The following ARFGEF2 variants were observed in gnomAD, a reference collection of about 807,000 sequenced individuals.
ARFGEF2 encodes ARF guanine nucleotide exchange factor 2.
ARFGEF2 carries 74 observed loss-of-function variants against 219.9 expected under a neutral mutation model. The ratio of observed to expected loss-of-function variants is 0.34; its 90% CI spans 0.28 to 0.41. The LOEUF is 0.41. ARFGEF2 is among the 10% of genes least tolerant of loss of function. ARFGEF2 has a pLI of 1.00. For synonymous variants in ARFGEF2, 733 were observed against 799.2 expected (o/e 0.92, Z 1.40); for missense variants, 1,743 against 2,218.3 (o/e 0.79, Z 4.30).
intron 37 of ARFGEF2, among the ~76,000 whole-genome samples, chr20:49,030,964 C>T (rs2091630495): frequency 6.6e-6 from 1 of 152,044 alleles, no homozygotes. Context: ...TGCACTCCAG[C>T]CTGGGCAACA....
chr20:48,984,629 A>G (rs912841042), intron 14 of ARFGEF2, 100 bp from the exon 15 acceptor site: 12 of 1,445,734 alleles, frequency 8.3e-6, no homozygotes, highest in South Asian at 2.3e-5. Context: ...ACGTGATGGC[A>G]TGTTCATAGT....
intron 30 of ARFGEF2, 56 bp from the exon 31 acceptor site, chr20:49,016,224 T>C: frequency 6.3e-7 from 1 of 1,598,632 alleles, no homozygotes; most frequent in Non-Finnish European, 8.6e-7. Context: ...TGTACAAGAA[T>C]GCCCATCTCA....
Position 49,000,528 on chromosome 20 carries a change from C to T in ARFGEF2, c.3432+2023C>T, listed in dbSNP as rs150876834. On this transcript the variant is annotated intron_variant, in intron 25 of 38. Coordinates refer to ENST00000371917, the MANE Select transcript of ARFGEF2 (RefSeq NM_006420.3). ...GGTATCACTTTAAATAATCAACTAA[C>T]TCAGCACCATCTTACCCACTATTCT... 6.9e-3 allele frequency among the ~76,000 whole-genome samples: 1,057 copies of T among 152,324 alleles called. 15 individuals are homozygous for T. The highest frequency in any genetic ancestry group is 0.023 in the African/African-American group (968 of 41,572).
intron 14 of ARFGEF2, among the ~76,000 whole-genome samples, chr20:48,980,039 G>T (rs1472536796): frequency 6.6e-6 from 1 of 151,730 alleles, no homozygotes; most frequent in East Asian, 1.9e-4. Flanking sequence ...GAATTTGTTT[G>T]TTCTTGCTTC....
At chr20:48,939,039 A>G (rs1169065574) in intron 1 of ARFGEF2, among the ~76,000 whole-genome samples, 2 of 146,612 alleles carry the variant, frequency 1.4e-5, no homozygotes, top group African/African-American at 5.0e-5. Flanking sequence ...CAGTGGCACC[A>G]TCTCGGCTCA....
chr20:49,004,344 CAAGAA>C (rs1200819722), intron 25 of ARFGEF2, among the ~76,000 whole-genome samples: 1 of 151,624 alleles, frequency 6.6e-6, no homozygotes, highest in African/African-American at 2.4e-5. Flanking sequence ...TTAAAAGAAA[CAAGAA>C]AAGAAAAGAG....
At chr20:49,009,318 T>G (rs1167671225) in intron 26 of ARFGEF2, among the ~76,000 whole-genome samples, 1 of 152,116 alleles carries the variant, frequency 6.6e-6, no homozygotes, top group African/African-American at 2.4e-5. Context: ...AGTGTGAGCC[T>G]GGAAGACAAA....
rs1330725296 is a variant in ARFGEF2, at chr20:48,952,687, C to T, written c.424-18C>T. ...GATGTGCGTTCCTGATGGTGAAGGT[C>T]GCGGATTTCTATTTTAGGCTCTTCT... On this transcript the variant is annotated intron_variant, in intron 4 of 38. Transcript: ENST00000371917. The T allele has an allele frequency of 5.6e-6, 9 of 1,613,816 alleles. No individual in the cohort carries two copies. The highest frequency in any genetic ancestry group is 1.1e-5 in the South Asian group (1 of 91,052).
chr20:48,926,549 C>G, intron 1 of ARFGEF2, among the ~76,000 whole-genome samples: 1 of 151,882 alleles, frequency 6.6e-6, no homozygotes, highest in East Asian at 1.9e-4. Context: ...ACCTCTCCAT[C>G]CCTGGCTCAG....
At chr20:49,002,604 C>CTTT (rs2091431662) in intron 25 of ARFGEF2, among the ~76,000 whole-genome samples, 2 of 149,508 alleles carry the variant, frequency 1.3e-5, no homozygotes. Flanking sequence ...TCAAGGCTGA[C>CTTT]TTTATTATTT....
At position 48,991,172 on chromosome 20, in the gene ARFGEF2, A is replaced by G; in HGVS notation, c.2947A>G (p.Asn983Asp). 1 of 1,614,232 alleles carries G rather than the reference A, an allele frequency of 6.2e-7. No individual in the cohort carries two copies. The highest frequency in any genetic ancestry group is 8.5e-7 in the Non-Finnish European group (1 of 1,180,042). The change falls in exon 21 of 39, where the codon AAC (asparagine) becomes GAC (aspartate). Residue 983 changes from asparagine to aspartate, a missense_variant. Asn to Asp is a conservative substitution (Grantham distance 23). Transcript: ENST00000371917. ...TATCACAGTGGCTCACACCGATGGC[A>G]ACTACCTTGGGAATTCCTGGCATGA... ...TLITVAHTDG[N>D]YLGNSWHEIL...
rs184963876 is a variant in ARFGEF2, at chr20:49,019,824, T to A, written c.4624+826T>A. 3.5e-4 allele frequency among the ~76,000 whole-genome samples: 53 copies of A among 152,344 alleles called. 2 individuals are homozygous for A. In the East Asian group the frequency reaches 0.01, roughly 29 times the overall value. ...GTAATCTTTGCTCATTTTCTGTTGA[T>A]TGTTGGCCCCTTTTTTATTGGTTTG... On this transcript the variant is annotated intron_variant, in intron 34 of 38. Coordinates refer to ENST00000371917, the MANE Select transcript of ARFGEF2 (RefSeq NM_006420.3).
intron 25 of ARFGEF2, 107 bp downstream of exon 25, chr20:48,998,612 C>T: frequency 1.7e-6 from 2 of 1,149,522 alleles, no homozygotes; most frequent in Non-Finnish European, 2.5e-6. Flanking sequence ...TTAGATGCCT[C>T]TAATTCATTT....
At chr20:48,957,273 A>T (rs1568703472) in intron 6 of ARFGEF2, among the ~76,000 whole-genome samples, 1 of 152,126 alleles carries the variant, frequency 6.6e-6, no homozygotes. Flanking sequence ...TCACATGATC[A>T]CCCTTTCTGC....
intron 3 of ARFGEF2, among the ~76,000 whole-genome samples, chr20:48,946,303 G>A (rs2091026182): frequency 6.6e-6 from 1 of 152,096 alleles, no homozygotes; most frequent in Admixed American, 6.5e-5. Context: ...GAGAAGCCTG[G>A]AGACTTCCCC....
rs569668549 is a variant in ARFGEF2, at chr20:48,968,560, C to T, written c.1060-587C>T. ...TGGGATTAGCAGAGATGAGGTTTCACTATGTTGGCCAAGTTGGTCTGGAAC... is the reference window on the plus strand; with the variant it reads ...TGGGATTAGCAGAGATGAGGTTTCATTATGTTGGCCAAGTTGGTCTGGAAC... On this transcript the variant is annotated intron_variant, in intron 8 of 38. Transcript: ENST00000371917. 2.6e-5 allele frequency among the ~76,000 whole-genome samples: 4 copies of T among 151,986 alleles called. No individual in the cohort carries two copies. In the East Asian group the frequency reaches 7.8e-4, roughly 30 times the overall value.
intron 35 of ARFGEF2, 92 bp downstream of exon 35, chr20:49,023,273 C>T (rs1001109718): frequency 1.3e-6 from 2 of 1,520,546 alleles, no homozygotes; most frequent in African/African-American, 2.8e-5. Flanking sequence ...TACTGGCTTT[C>T]CAGAGCCTGT....
chr20:48,969,841 G>A (rs1378593666), intron 9 of ARFGEF2, among the ~76,000 whole-genome samples: 2 of 152,216 alleles, frequency 1.3e-5, no homozygotes, highest in African/African-American at 4.8e-5. Context: ...GACTTGCCAA[G>A]CCTCATCTGA....
chr20:49,019,618 G>C (rs545124173), intron 34 of ARFGEF2, among the ~76,000 whole-genome samples: 1 of 152,138 alleles, frequency 6.6e-6, no homozygotes, highest in East Asian at 1.9e-4. Flanking sequence ...GTGGATAAGT[G>C]AATTTGCCAT....
Sources: allele counts gnomAD v4.1 joint callset (sites outside exome capture counted in the v4.1 genomes callset), GRCh38; gene constraint gnomAD v4.1.1; transcripts MANE v1.5; gene names NCBI Gene and HGNC (gene_info 2026-07-23, HGNC 2026-07-21).